FZD4: variants seen among roughly 807,000 people sequenced by gnomAD.
FZD4 encodes the protein frizzled-4.
In FZD4, 16 loss-of-function variants were observed where a neutral mutation model predicts 37.3. The observed-to-expected ratio is 0.43, with a 90% CI of 0.29 to 0.65. The LOEUF is 0.65. Among genes scored for constraint, FZD4 ranks in the 30% least tolerant of loss-of-function variants. FZD4 has a pLI of 0.16. For synonymous variants in FZD4, 246 were observed against 254.8 expected, an observed-to-expected ratio of 0.97 and a Z score of 0.33; for missense variants, 599 against 674.3, an observed-to-expected ratio of 0.89 and a Z score of 1.24.
rs922436236 is a variant in FZD4, at chr11:86,948,340, G to C, written c.*2802C>G. 1 of 151,926 alleles carries C rather than the reference G, an allele frequency of 6.6e-6. No homozygotes were observed. Among genetic ancestry groups the C allele is most frequent in the Admixed American group, 6.6e-5 (1 of 15,242 alleles). 9.4% of individuals were successfully genotyped at this position (151,926 alleles called of 1,614,324 possible). A position where few individuals can be genotyped will look rare whatever the true frequency, so the allele number is the denominator to read the frequency against. ...ATCCTAGATCAGTTAGAAGAACAGAGATTATCTATTTCAGGGCTTTACTAC... is the reference window on the plus strand; with the variant it reads ...ATCCTAGATCAGTTAGAAGAACAGACATTATCTATTTCAGGGCTTTACTAC... On this transcript the variant is annotated 3_prime_UTR_variant, in exon 2 of 2. Transcript: ENST00000531380.
rs549713666 is a variant in FZD4 at position 86,950,439 on chromosome 11, G to C, written c.*703C>G. 3 of 152,856 alleles carry C rather than the reference G, an allele frequency of 2.0e-5. No individual in the cohort carries two copies. In the East Asian group the frequency reaches 5.8e-4, roughly 29 times the overall value. 9.5% of individuals were successfully genotyped at this position (152,856 alleles called of 1,614,324 possible). A position where few individuals can be genotyped will look rare whatever the true frequency, so the allele number is the denominator to read the frequency against. ...AAGAAAACAGCAGCAGCCAAGAAGAGAGATGTTGAAATTTAAGAGAGGAAG... is the reference window on the plus strand; with the variant it reads ...AAGAAAACAGCAGCAGCCAAGAAGACAGATGTTGAAATTTAAGAGAGGAAG... On this transcript the variant is annotated 3_prime_UTR_variant, in exon 2 of 2. Coordinates refer to ENST00000531380, the MANE Select transcript of FZD4 (RefSeq NM_012193.4).
rs1157413145 is a variant in FZD4 at position 86,950,160 on chromosome 11, A to C, written c.*982T>G. 3 of 152,686 alleles carry C rather than the reference A, an allele frequency of 2.0e-5. No homozygotes were observed. Among genetic ancestry groups the C allele is most frequent in the Non-Finnish European group, 4.4e-5 (3 of 68,044 alleles). 9.5% of individuals were successfully genotyped at this position (152,686 alleles called of 1,614,324 possible). ...AATCTGTGTGAATGCAAAGTTGCCA[A>C]GAAACTTAACATTTCAGCTCTTCCA... On this transcript the variant is annotated 3_prime_UTR_variant, in exon 2 of 2. Coordinates refer to ENST00000531380, the MANE Select transcript of FZD4 (RefSeq NM_012193.4).
At chr11:86,954,504 C>G (rs1159910485) in intron 1 of FZD4, 1 of 985,208 alleles carries the variant, frequency 1.0e-6, no homozygotes, top group African/African-American at 1.7e-5. Context: ...CGGCCAGAAT[C>G]CTTGGCAGAG....
chr11:86,952,855 T>C, intron 1 of FZD4: 1 of 161,432 alleles, frequency 6.2e-6, no homozygotes, highest in Non-Finnish European at 1.4e-5. Context: ...CTCATTTAGG[T>C]GGTTTATTTT....
Position 86,950,770 on chromosome 11 carries a change from C to G in FZD4, c.*372G>C, listed in dbSNP as rs902636342. ...GGGTTAAAAAAGTTAATATTTCTCC[C>G]TGCTAGTTACCAACTCACAGCTCAA... On this transcript the variant is annotated 3_prime_UTR_variant, in exon 2 of 2. Transcript: ENST00000531380. 5.0e-5 allele frequency: 15 copies of G among 301,530 alleles called. No individual in the cohort carries two copies. The highest frequency in any genetic ancestry group is 3.2e-4 in the African/African-American group (15 of 46,896). The allele number at this position is 301,530 out of a possible 1,614,324, so 18.7% of individuals were successfully genotyped here.
rs374428856 is a variant in FZD4, at chr11:86,952,332, T to C, written c.424A>G (p.Ser142Gly). ...GGTGGGAATTTGCTGCAGTTCAGAC[T>C]CTCTGGCCAGGCAAATCCAAATTCC... ...LKEFGFAWPE[S>G]LNCSKFPPQN... is the part of the protein sequence containing the mutation. The change falls in exon 2 of 2, where the codon AGT becomes GGT. Residue 142 changes from serine to glycine, a missense_variant. Ser to Gly is a moderately conservative substitution (Grantham distance 56). Around this residue, in one of 3 missense-constraint regions of FZD4, gnomAD observed 357 missense variants for 396.1 expected, o/e 0.90. Coordinates refer to ENST00000531380, the MANE Select transcript of FZD4 (RefSeq NM_012193.4). 3.7e-6 allele frequency: 6 copies of C among 1,614,176 alleles called. No individual in the cohort carries two copies. The South Asian group carries it at 6.6e-5, about 18-fold the overall frequency.
Position 86,955,094 on chromosome 11 carries a change from T to C in FZD4, c.-9A>G, listed in dbSNP as rs1949325338. On this transcript the variant is annotated 5_prime_UTR_variant, in exon 1 of 2. It removes an upstream start codon present in the reference 5' UTR. Transcript: ENST00000531380. ...GCGCCCCGCCAGGCCATGGCCAGCA[T>C]CGGGGGTAGCAGCGGCAGCGGCTGG... 3.3e-6 allele frequency: 5 copies of C among 1,499,382 alleles called. No homozygotes were observed. The East Asian group carries it at 1.2e-4, about 36-fold the overall frequency. The allele number at this position is 1,499,382 out of a possible 1,614,324, so 92.9% of individuals were successfully genotyped here.
At position 86,948,876 on chromosome 11, in the gene FZD4, T is replaced by A. The variant is rs1367895626; in HGVS notation, c.*2266A>T. On this transcript the variant is annotated 3_prime_UTR_variant, in exon 2 of 2. Coordinates refer to ENST00000531380, the MANE Select transcript of FZD4 (RefSeq NM_012193.4). ...CCAGTCCCCTACCGCCTGGTCTTCC[T>A]TCCCCTGCCTGGGCCAGAGTCCCTG... 6.5e-6 allele frequency: 1 copy of A among 152,722 alleles called. No homozygotes were observed. Among genetic ancestry groups the A allele is most frequent in the Admixed American group, 6.5e-5 (1 of 15,292 alleles). 9.5% of individuals were successfully genotyped at this position (152,722 alleles called of 1,614,324 possible).
At position 86,949,673 on chromosome 11, in the gene FZD4, T is replaced by G. The variant is rs374454479; in HGVS notation, c.*1469A>C. On this transcript the variant is annotated 3_prime_UTR_variant, in exon 2 of 2. Transcript: ENST00000531380. ...CCTTGTGAAGAACGTATGCATAAAT[T>G]TTAAAAGCTTTGGATACCTCTGCTA... The G allele has an allele frequency of 1.3e-5, 2 of 152,792 alleles. No homozygotes were observed. Among genetic ancestry groups the G allele is most frequent in the African/African-American group, 4.8e-5 (2 of 41,586 alleles). 9.5% of individuals were successfully genotyped at this position (152,792 alleles called of 1,614,324 possible).
rs997581784 is a variant in FZD4 at position 86,948,760 on chromosome 11, T to A, written c.*2382A>T. 7 of 152,398 alleles carry A rather than the reference T, an allele frequency of 4.6e-5. No individual in the cohort carries two copies. Among genetic ancestry groups the A allele is most frequent in the African/African-American group, 1.7e-4 (7 of 41,462 alleles). The allele number at this position is 152,398 out of a possible 1,614,324, so 9.4% of individuals were successfully genotyped here. A position where few individuals can be genotyped will look rare whatever the true frequency, so the allele number is the denominator to read the frequency against. On this transcript the variant is annotated 3_prime_UTR_variant, in exon 2 of 2. Coordinates refer to ENST00000531380, the MANE Select transcript of FZD4 (RefSeq NM_012193.4). ...AAGTATCGATCACCTACTCCATGCC[T>A]GGCTTTCTGCTAGATGCTGCCTTGG...
chr11:86,952,656 T>G, intron 1 of FZD4, 186 bp from the exon 2 acceptor site: 2 of 590,142 alleles, frequency 3.4e-6, no homozygotes, highest in South Asian at 4.1e-5. Context: ...ATCACTTACA[T>G]ACTTTTCTTA....
Position 86,952,099 on chromosome 11 carries a change from A to C in FZD4, c.657T>G (p.Thr219=). 6.2e-7 allele frequency: 1 copy of C among 1,614,078 alleles called. No homozygotes were observed. The highest frequency in any genetic ancestry group is 8.5e-7 in the Non-Finnish European group (1 of 1,179,950). ...TGGCCCACACAGCCATCCAGATATC[A>C]GTGAACTCCTTGGCTGAGCGGCTGT... is the stretch of plus-strand genomic sequence containing the variant. ...GLYSRSAKEF[T]DIWMAVWASL... The change falls in exon 2 of 2, where the codon ACT becomes ACG. Residue 219 remains threonine (T), a synonymous_variant. Transcript: ENST00000531380.
At position 86,951,965 on chromosome 11, in the gene FZD4, ATAT is replaced by A; in HGVS notation, c.788_790del (p.Asn263del). On this transcript the variant is annotated inframe_deletion, in exon 2 of 2. Coordinates refer to ENST00000531380, the MANE Select transcript of FZD4 (RefSeq NM_012193.4). ...CCTGACAATATAAGCAATGCTATAA[ATAT>A]TATAGCACATACTGAGAAATATGAT... The A allele has an allele frequency of 6.2e-7, 1 of 1,612,618 alleles. No homozygotes were observed. Among genetic ancestry groups the A allele is most frequent in the Non-Finnish European group, 8.5e-7 (1 of 1,178,614 alleles).
In FZD4 at chr11:86,954,845, T is replaced by C. The variant is rs759980701; in HGVS notation, c.241A>G (p.Thr81Ala). 6.2e-7 allele frequency: 1 copy of C among 1,613,000 alleles called. No individual in the cohort carries two copies. Among genetic ancestry groups the C allele is most frequent in the Admixed American group, 1.7e-5 (1 of 59,982 alleles). ...CCGTACTGGATGAGCGGTGTGAAAG[T>C]TGTCAGCTGCAGCTCGGCGTCCGTC... ...LQTDAELQLT[T>A]FTPLIQYGCS... Residue 81 changes from threonine to alanine, a missense_variant, in exon 1 of 2, where the codon ACT (threonine) becomes GCT (alanine). Physicochemically the swap from Thr to Ala is moderately conservative, Grantham distance 58 (BLOSUM62 0). Around this residue, in one of 3 missense-constraint regions of FZD4, gnomAD observed 357 missense variants for 396.1 expected, o/e 0.90. Transcript: ENST00000531380.
chr11:86,954,219 G>C, intron 1 of FZD4: 4 of 984,864 alleles, frequency 4.1e-6, no homozygotes, highest in Non-Finnish European at 4.8e-6. Context: ...CCTTCCTGCA[G>C]CTTCTTCTCA....
rs1308333820 is a variant in FZD4, at chr11:86,949,962, A to G, written c.*1180T>C. On this transcript the variant is annotated 3_prime_UTR_variant, in exon 2 of 2. Transcript: ENST00000531380. Reference sequence around the variant, plus strand: ...AAAAAGTCTCCATTGTCCTAAGTAGACCAGATTCTGATAACATTCTTATGC... The same window carrying G: ...AAAAAGTCTCCATTGTCCTAAGTAGGCCAGATTCTGATAACATTCTTATGC... 6.6e-6 allele frequency: 1 copy of G among 152,480 alleles called. No individual in the cohort carries two copies. Among genetic ancestry groups the G allele is most frequent in the African/African-American group, 2.4e-5 (1 of 41,466 alleles). 9.4% of individuals were successfully genotyped at this position (152,480 alleles called of 1,614,324 possible). A position where few individuals can be genotyped will look rare whatever the true frequency, so the allele number is the denominator to read the frequency against.
chr11:86,948,616 G>T lies in FZD4; in HGVS notation c.*2526C>A, dbSNP rs928351340. On this transcript the variant is annotated 3_prime_UTR_variant, in exon 2 of 2. Transcript: ENST00000531380. ...GCCCTGAAAAGGCAAGAGATTTGTG[G>T]AAAAGGCATGTCAAAACCCAAAGCA... 1 of 152,142 alleles carries T rather than the reference G, an allele frequency of 6.6e-6. No individual in the cohort carries two copies. The highest frequency in any genetic ancestry group is 1.5e-5 in the Non-Finnish European group (1 of 68,030). 9.4% of individuals were successfully genotyped at this position (152,142 alleles called of 1,614,324 possible). A position where few individuals can be genotyped will look rare whatever the true frequency, so the allele number is the denominator to read the frequency against.
Position 86,951,457 on chromosome 11 carries a change from C to G in FZD4, c.1299G>C (p.Leu433=), listed in dbSNP as rs1949291436. Residue 433 remains leucine (L), a synonymous_variant, in exon 2 of 2, where the codon CTG becomes CTC. Coordinates refer to ENST00000531380, the MANE Select transcript of FZD4 (RefSeq NM_012193.4). ...DGTKTDKLER[L]MVKIGVFSVL... ...CTGAGAACACCCCAATCTTGACCATCAGTCTTTCTAACTTGTCTGTCTTTG... is the reference window on the plus strand; with the variant it reads ...CTGAGAACACCCCAATCTTGACCATGAGTCTTTCTAACTTGTCTGTCTTTG... 6.2e-7 allele frequency: 1 copy of G among 1,613,816 alleles called. No homozygotes were observed. The highest frequency in any genetic ancestry group is 1.3e-5 in the African/African-American group (1 of 74,930).
In FZD4 at chr11:86,946,488, C is replaced by G. The variant is rs1458431496; in HGVS notation, c.*4654G>C. 1.3e-5 allele frequency: 2 copies of G among 152,224 alleles called. No homozygotes were observed. The highest frequency in any genetic ancestry group is 2.9e-5 in the Non-Finnish European group (2 of 68,086). 9.4% of individuals were successfully genotyped at this position (152,224 alleles called of 1,614,324 possible). A position where few individuals can be genotyped will look rare whatever the true frequency, so the allele number is the denominator to read the frequency against. On this transcript the variant is annotated 3_prime_UTR_variant, in exon 2 of 2. Coordinates refer to ENST00000531380, the MANE Select transcript of FZD4 (RefSeq NM_012193.4). ...ATCAGAAACAGAAACATGCTACTAT[C>G]AGGGCAACTGAGCTTGCCAAGGGGA...
Sources: allele counts gnomAD v4.1 joint callset, GRCh38; gene constraint gnomAD v4.1.1; regional missense constraint gnomAD v4.1.1; transcripts MANE v1.5; gene names NCBI Gene and HGNC (gene_info 2026-07-23, HGNC 2026-07-21).